The following FAM78B variants were observed in gnomAD, a reference collection of about 807,000 sequenced individuals.
The protein encoded by FAM78B is protein FAM78B.
FAM78B carries 10 observed loss-of-function variants against 20.0 expected under a neutral mutation model. The ratio of observed to expected loss-of-function variants is 0.50; its 90% CI spans 0.31 to 0.85. The LOEUF (loss-of-function observed/expected upper bound fraction) is 0.85. Among genes scored for constraint, FAM78B ranks in the 40% least tolerant of loss-of-function variants. The pLI, the probability that FAM78B is intolerant of heterozygous loss-of-function variation, is 0.05. For synonymous variants in FAM78B, 135 were observed against 132.8 expected (o/e 1.02, Z -0.12); for missense variants, 283 against 345.0 (o/e 0.82, Z 1.42).
At chr1:166,163,863 A>C (rs1362648779) in intron 1 of FAM78B, among the ~76,000 whole-genome samples, 7 of 152,218 alleles carry the variant, frequency 4.6e-5, no homozygotes. Context: ...TTGCTCTCCT[A>C]CATCTACATG....
chr1:166,095,200 G>A (rs979324850), intron 1 of FAM78B, among the ~76,000 whole-genome samples: 5 of 152,118 alleles, frequency 3.3e-5, no homozygotes, highest in Admixed American at 6.6e-5. Context: ...GCATTTCCCC[G>A]TTCCCAAAGG....
intron 1 of FAM78B, chr1:166,164,702 A>C (rs1481080428): frequency 3.3e-5 from 5 of 152,198 alleles, no homozygotes; most frequent in African/African-American, 1.2e-4. Context: ...AGAGTGCAAT[A>C]AAAAGCCTGC....
At chr1:166,158,416 G>A (rs981878281) in intron 1 of FAM78B, among the ~76,000 whole-genome samples, 5 of 152,188 alleles carry the variant, frequency 3.3e-5, no homozygotes, top group African/African-American at 4.8e-5. Context: ...GCTCCTTGCT[G>A]GCCATGAGGC....
intron 1 of FAM78B, among the ~76,000 whole-genome samples, chr1:166,157,581 G>A (rs1039511990): frequency 6.6e-6 from 1 of 152,114 alleles, no homozygotes; most frequent in Non-Finnish European, 1.5e-5. Flanking sequence ...AAAAGGAACA[G>A]TGCAGGAATT....
chr1:166,164,978 G>A (rs1656304578), intron 1 of FAM78B: 3 of 152,242 alleles, frequency 2.0e-5, no homozygotes, highest in Admixed American at 6.5e-5. Flanking sequence ...GTTCTGAAAG[G>A]AGGCGGGTGC....
downstream of FAM78B, among the ~76,000 whole-genome samples, chr1:166,066,589 G>T (rs1651803194): frequency 1.3e-5 from 2 of 152,104 alleles, no homozygotes; most frequent in African/African-American, 4.8e-5. Flanking sequence ...AACCTCTTTG[G>T]TCTCAATTTA....
At chr1:166,159,765 C>T (rs543742065) in intron 1 of FAM78B, among the ~76,000 whole-genome samples, 9 of 152,298 alleles carry the variant, frequency 5.9e-5, no homozygotes, top group South Asian at 2.1e-4. Flanking sequence ...TACATCTTTC[C>T]CTAATCATTT....
At chr1:166,079,186 G>A (rs1264500887) in intron 1 of FAM78B, among the ~76,000 whole-genome samples, 4 of 152,062 alleles carry the variant, frequency 2.6e-5, no homozygotes, top group Non-Finnish European at 5.9e-5. Context: ...TCCTGCCTCC[G>A]CCCGCCAAGT....
At chr1:166,065,853 A>G (rs572528579), downstream of FAM78B, among the ~76,000 whole-genome samples, 1 of 152,348 alleles carries the variant, frequency 6.6e-6, no homozygotes, top group South Asian at 2.1e-4. Context: ...TTTAGGCTTA[A>G]TTATAGAGTT....
Position 166,166,048 on chromosome 1 carries a change from C to G in FAM78B, c.201G>C (p.Val67=). The G allele has an allele frequency of 6.2e-7, 1 of 1,613,970 alleles. No homozygotes were observed. The highest frequency in any genetic ancestry group is 1.1e-5 in the South Asian group (1 of 91,082). The part of the protein sequence containing the change: ...MPPIPRHETW[V]VGWIQACNQM... ...GATTGCACGCCTGAATCCAGCCCAC[C>G]ACCCAGGTCTCGTGGCGGGGGATGG... The change falls in exon 1 of 2, where the codon GTG becomes GTC. Residue 67 remains valine (V), a synonymous_variant. Coordinates refer to ENST00000354422, the MANE Select transcript of FAM78B (RefSeq NM_001017961.5).
At chr1:166,068,557 T>C (rs551044548), downstream of FAM78B, among the ~76,000 whole-genome samples, 1 of 152,318 alleles carries the variant, frequency 6.6e-6, no homozygotes, top group East Asian at 1.9e-4. Context: ...TGAAATAAAT[T>C]AGACTAAATT....
chr1:166,145,743 G>A (rs1557916663), intron 1 of FAM78B, among the ~76,000 whole-genome samples: 1 of 152,146 alleles, frequency 6.6e-6, no homozygotes, highest in Admixed American at 6.5e-5. Flanking sequence ...TCAAATGAAA[G>A]GTGACTAACA....
intron 1 of FAM78B, among the ~76,000 whole-genome samples, chr1:166,113,092 G>A (rs1427169771): frequency 1.3e-5 from 2 of 150,864 alleles, no homozygotes; most frequent in Non-Finnish European, 3.0e-5. Flanking sequence ...TCACTCAGTC[G>A]AAAGATGCTC....
intron 2 of FAM78B, among the ~76,000 whole-genome samples, chr1:166,061,389 T>C (rs1001641930): frequency 6.6e-6 from 1 of 152,232 alleles, no homozygotes; most frequent in Non-Finnish European, 1.5e-5. Flanking sequence ...ATGCTCTGTC[T>C]GCTTACAGGG....
chr1:166,061,441 A>G (rs1020243458), intron 2 of FAM78B, among the ~76,000 whole-genome samples: 2 of 152,200 alleles, frequency 1.3e-5, no homozygotes, highest in Admixed American at 6.5e-5. Flanking sequence ...TTATAAATTA[A>G]TTAATATGTT....
intron 1 of FAM78B, among the ~76,000 whole-genome samples, chr1:166,158,196 A>G (rs1275588926): frequency 6.6e-6 from 1 of 152,184 alleles, no homozygotes; most frequent in African/African-American, 2.4e-5. Flanking sequence ...GTGGTGGTAC[A>G]TGACTGTGGT....
chr1:166,083,730 T>C (rs1023544925), intron 1 of FAM78B, among the ~76,000 whole-genome samples: 3 of 151,762 alleles, frequency 2.0e-5, no homozygotes, highest in Admixed American at 6.6e-5. Flanking sequence ...TCTCGATCTC[T>C]TGACCTCATG....
chr1:166,076,370 G>C (rs532831874), intron 1 of FAM78B, among the ~76,000 whole-genome samples: 3 of 152,172 alleles, frequency 2.0e-5, no homozygotes, highest in Middle Eastern at 3.4e-3. Flanking sequence ...GAGGGCCTTT[G>C]CACTTACCGT....
downstream of FAM78B, among the ~76,000 whole-genome samples, chr1:166,056,090 A>G (rs930399262): frequency 1.3e-5 from 2 of 152,176 alleles, no homozygotes; most frequent in African/African-American, 4.8e-5. Context: ...TGCTCAGGCC[A>G]CCTGGTGAGG....
Sources: allele counts gnomAD v4.1 joint callset (sites outside exome capture counted in the v4.1 genomes callset), GRCh38; gene constraint gnomAD v4.1.1; transcripts MANE v1.5; gene names NCBI Gene and HGNC (gene_info 2026-07-23, HGNC 2026-07-21).